Variants in PIK3C2G observed in about 807,000 individuals in gnomAD.
The protein encoded by PIK3C2G is phosphatidylinositol 3-kinase C2 domain-containing subunit gamma.
Under a neutral mutation model 181.1 loss-of-function variants are expected in PIK3C2G, and 168 were observed. That is an observed-to-expected ratio of 0.93 (90% CI 0.82 to 1.05). PIK3C2G has a LOEUF of 1.05. Ranked by LOEUF, PIK3C2G falls within the 50% of genes least tolerant of loss-of-function variation. The pLI, the probability that PIK3C2G is intolerant of heterozygous loss-of-function variation, is 0.00. For missense variants in PIK3C2G, 1,869 were observed against 1,732.8 expected, an observed-to-expected ratio of 1.08 and a Z score of -1.40; for synonymous variants, 573 against 592.2, an observed-to-expected ratio of 0.97 and a Z score of 0.47.
At chr12:18,456,832 C>G (rs1011924382) in intron 18 of PIK3C2G, among the ~76,000 whole-genome samples, 2 of 152,124 alleles carry the variant, frequency 1.3e-5, no homozygotes, top group Non-Finnish European at 2.9e-5. Context: ...AAAAGAGAAG[C>G]CTTACCAAGG....
At chr12:18,299,531 A>C (rs1950087878) in intron 5 of PIK3C2G, among the ~76,000 whole-genome samples, 1 of 151,798 alleles carries the variant, frequency 6.6e-6, no homozygotes, top group East Asian at 1.9e-4. Context: ...GCTGCTTTTT[A>C]TTTATATATT....
At chr12:18,324,942 TG>T in intron 7 of PIK3C2G, 92 bp from the exon 8 acceptor site, 1 of 664,502 alleles carries the variant, frequency 1.5e-6, no homozygotes. Flanking sequence ...GATAGTATCA[TG>T]GGCAAAACAA....
At chr12:18,689,863 C>T in the PIK3C2G span, among the ~76,000 whole-genome samples, 7 of 151,996 alleles carry the variant, frequency 4.6e-5, no homozygotes, top group East Asian at 1.2e-3. Flanking sequence ...ATTCCCAAAT[C>T]GTGCCTTCTA....
chr12:18,556,404 C>T (rs1945015850), intron 26 of PIK3C2G, among the ~76,000 whole-genome samples: 2 of 152,084 alleles, frequency 1.3e-5, no homozygotes, highest in Non-Finnish European at 2.9e-5. Flanking sequence ...GCCCCCAAAC[C>T]ATGGGCTGAC....
rs1459759244 is a variant in PIK3C2G, at chr12:18,490,133, T to C, written c.2686-1318T>C. On this transcript the variant is annotated intron_variant, in intron 19 of 32. Coordinates refer to ENST00000538779, the MANE Select transcript of PIK3C2G (RefSeq NM_001288772.2). Reference sequence around the variant, plus strand: ...TATATGAACTGGGAAGATACTTTACTTAAATGAAGGGAGCAGAGATTCCTC... The same window carrying C: ...TATATGAACTGGGAAGATACTTTACCTAAATGAAGGGAGCAGAGATTCCTC... Among the ~76,000 whole-genome samples, 4 of 152,146 alleles carry C rather than the reference T, an allele frequency of 2.6e-5. No individual in the cohort carries two copies. In the East Asian group the frequency reaches 7.7e-4, roughly 29 times the overall value.
chr12:18,679,958 T>C, the PIK3C2G span, among the ~76,000 whole-genome samples: 1 of 151,956 alleles, frequency 6.6e-6, no homozygotes, highest in South Asian at 2.1e-4. Flanking sequence ...GGAATGAGGG[T>C]TTCCAGTGGC....
intron 26 of PIK3C2G, among the ~76,000 whole-genome samples, chr12:18,550,284 T>C (rs1345947225): frequency 6.6e-6 from 1 of 152,112 alleles, no homozygotes; most frequent in Non-Finnish European, 1.5e-5. Context: ...ATGTATTATG[T>C]TGTTTGGAAA....
At chr12:18,684,071 T>C in the PIK3C2G span, 1 of 1,575,300 alleles carries the variant, frequency 6.3e-7, no homozygotes, top group Non-Finnish European at 8.7e-7. Context: ...AATGTGTCTT[T>C]GATATACACA....
intron 13 of PIK3C2G, among the ~76,000 whole-genome samples, chr12:18,377,034 C>T (rs1273814570): frequency 6.6e-6 from 1 of 152,204 alleles, no homozygotes; most frequent in Non-Finnish European, 1.5e-5. Flanking sequence ...AGGGTTCCAG[C>T]TCAGCCTTGC....
At chr12:18,548,522 T>C (rs1304286247) in intron 26 of PIK3C2G, among the ~76,000 whole-genome samples, 1 of 151,994 alleles carries the variant, frequency 6.6e-6, no homozygotes, top group African/African-American at 2.4e-5. Context: ...AAGAGCATAA[T>C]CTTGGATATC....
chr12:18,684,775 C>T, the PIK3C2G span, among the ~76,000 whole-genome samples: 1 of 151,984 alleles, frequency 6.6e-6, no homozygotes, highest in African/African-American at 2.4e-5. Flanking sequence ...TTTGTGCCCC[C>T]ACCCAAATCT....
intron 31 of PIK3C2G, among the ~76,000 whole-genome samples, chr12:18,626,543 A>G (rs1949108404): frequency 6.6e-6 from 1 of 152,024 alleles, no homozygotes; most frequent in African/African-American, 2.4e-5. Flanking sequence ...TTAGCTAACA[A>G]ATTTTTCTTT....
intron 11 of PIK3C2G, among the ~76,000 whole-genome samples, chr12:18,353,192 T>G (rs1438481278): frequency 6.6e-6 from 1 of 152,092 alleles, no homozygotes; most frequent in African/African-American, 2.4e-5. Flanking sequence ...GGGCATTGTT[T>G]TGGGGAAAAC....
rs1565562617 is a variant in PIK3C2G at position 18,292,218 on chromosome 12, A to ACAAACAAAC, written c.919+1206_919+1207insCAAACAAAC. On this transcript the variant is annotated intron_variant, in intron 4 of 32. Transcript: ENST00000538779. ...AGAGCAAAACTCCATCTCAAAAAAAAAAAAAAAAAATATATATATATATAT... is the reference window on the plus strand; with the variant it reads ...AGAGCAAAACTCCATCTCAAAAAAAACAAACAAACAAAAAAAAAATATATATATATATAT... 2.2e-3 allele frequency among the ~76,000 whole-genome samples: 206 copies of ACAAACAAAC among 93,042 alleles called. 5 individuals are homozygous for ACAAACAAAC. Among genetic ancestry groups the ACAAACAAAC allele is most frequent in the African/African-American group, 7.8e-3 (197 of 25,346 alleles). 61.0% of individuals were successfully genotyped at this position (93,042 alleles called of 152,430 possible).
intron 24 of PIK3C2G, among the ~76,000 whole-genome samples, chr12:18,530,980 C>G (rs1258270251): frequency 6.6e-6 from 1 of 152,050 alleles, no homozygotes; most frequent in Non-Finnish European, 1.5e-5. Flanking sequence ...GATACTAGAC[C>G]TAAAAATACT....
intron 14 of PIK3C2G, among the ~76,000 whole-genome samples, chr12:18,383,403 T>C (rs889781105): frequency 1.4e-4 from 22 of 152,108 alleles, no homozygotes; most frequent in African/African-American, 5.3e-4. Context: ...ACAGCGAGAA[T>C]AGCAATGAAT....
Position 18,330,823 on chromosome 12 carries a change from C to A in PIK3C2G, c.1272+5725C>A, listed in dbSNP as rs566011619. Among the ~76,000 whole-genome samples the A allele has an allele frequency of 3.9e-5, 6 of 152,214 alleles. No homozygotes were observed. In the South Asian group the frequency reaches 1.2e-3, roughly 32 times the overall value. ...GACATATGTATTGAAAACTTTGTCT[C>A]CCTGTCTGTGACTGGTTGTTGGTTC... On this transcript the variant is annotated intron_variant, in intron 8 of 32. Transcript: ENST00000538779.
chr12:18,507,568 T>A (rs1017774754), intron 24 of PIK3C2G, among the ~76,000 whole-genome samples: 12 of 152,222 alleles, frequency 7.9e-5, no homozygotes, highest in African/African-American at 2.9e-4. Context: ...GGGACAAATG[T>A]CAATTAACAT....
At chr12:18,504,631 A>G (rs1254470457) in intron 23 of PIK3C2G, among the ~76,000 whole-genome samples, 1 of 152,208 alleles carries the variant, frequency 6.6e-6, no homozygotes, top group Non-Finnish European at 1.5e-5. Context: ...GAAATGATGT[A>G]TACCCAGGAG....
Sources: gnomAD v4.1 joint callset for allele counts (sites outside exome capture counted in the v4.1 genomes callset) on GRCh38, gnomAD v4.1.1 for gene constraint, MANE v1.5 for transcripts, NCBI Gene and HGNC (gene_info 2026-07-23, HGNC 2026-07-21) for gene names.